VRK1: variants seen among roughly 807,000 people sequenced by gnomAD.
VRK1 encodes serine/threonine-protein kinase VRK1.
VRK1 carries 33 observed loss-of-function variants against 57.1 expected under a neutral mutation model. The ratio of observed to expected loss-of-function variants is 0.58; its 90% CI spans 0.44 to 0.77. The LOEUF (loss-of-function observed/expected upper bound fraction) is 0.77, where lower values mean the gene tolerates loss of function less well. Among genes scored for constraint, VRK1 ranks in the 30% least tolerant of loss-of-function variants. The pLI, the probability that VRK1 is intolerant of heterozygous loss-of-function variation, is 0.00. For missense variants in VRK1, 413 were observed against 477.3 expected, an observed-to-expected ratio of 0.87 and a Z score of 1.25; for synonymous variants, 137 against 147.8, an observed-to-expected ratio of 0.93 and a Z score of 0.53.
At chr14:96,818,655 C>T (rs949135744) in intron 1 of VRK1, among the ~76,000 whole-genome samples, 8 of 151,904 alleles carry the variant, frequency 5.3e-5, no homozygotes, top group Non-Finnish European at 8.8e-5. Flanking sequence ...TATAAAGGTA[C>T]CATATAGCCA....
intron 11 of VRK1, among the ~76,000 whole-genome samples, chr14:96,872,993 GC>G (rs1456676880): frequency 1.3e-5 from 2 of 152,110 alleles, no homozygotes; most frequent in African/African-American, 2.4e-5. Context: ...GCTATATGAA[GC>G]ATTTTAAAAC....
At chr14:96,857,600 AAGGATGGGCCT>A (rs1208290794) in intron 10 of VRK1, among the ~76,000 whole-genome samples, 1 of 152,194 alleles carries the variant, frequency 6.6e-6, no homozygotes, top group East Asian at 1.9e-4. Flanking sequence ...CTGAAGGAGC[AAGGATGGGCCT>A]AGGCAGAAAG....
At position 96,860,543 on chromosome 14, in the gene VRK1, T is replaced by TAAACACAATC. The variant is rs780178600; in HGVS notation, c.890-14_890-13insAAACACAATC. The TAAACACAATC allele has an allele frequency of 6.2e-7, 1 of 1,607,248 alleles. No homozygotes were observed. The highest frequency in any genetic ancestry group is 8.5e-7 in the Non-Finnish European group (1 of 1,174,780). On this transcript the variant is annotated splice_polypyrimidine_tract_variant and intron_variant, in intron 10 of 12. Coordinates refer to ENST00000216639, the MANE Select transcript of VRK1 (RefSeq NM_003384.3). ...TATATTGAAAGTTATAAAATGATTG[T>TAAACACAATC]GTTATTCTTTTAGGTGAAATTGCCA...
chr14:96,853,251 G>C, intron 7 of VRK1, 85 bp downstream of exon 7: 1 of 1,207,070 alleles, frequency 8.3e-7, no homozygotes, highest in Non-Finnish European at 1.2e-6. Flanking sequence ...AACCTGTGTA[G>C]AAGTTTTACT....
chr14:96,828,306 C>T (rs566517638), intron 1 of VRK1, among the ~76,000 whole-genome samples: 10 of 152,214 alleles, frequency 6.6e-5, no homozygotes, highest in African/African-American at 2.4e-4. Flanking sequence ...TCAAAATGAT[C>T]GAAACAGTAT....
At chr14:96,797,740 G>T (rs1035101614) in intron 1 of VRK1, among the ~76,000 whole-genome samples, 1 of 152,202 alleles carries the variant, frequency 6.6e-6, no homozygotes, top group African/African-American at 2.4e-5. Flanking sequence ...CTGGACGCGC[G>T]TGGTGTCGCG....
chr14:96,875,073 G>C (rs1888972230), intron 11 of VRK1, among the ~76,000 whole-genome samples: 1 of 152,032 alleles, frequency 6.6e-6, no homozygotes, highest in Non-Finnish European at 1.5e-5. Context: ...GAGAAGCTTT[G>C]GATTAAAATT....
At chr14:96,803,162 G>C (rs1885730074) in intron 1 of VRK1, among the ~76,000 whole-genome samples, 1 of 150,162 alleles carries the variant, frequency 6.7e-6, no homozygotes, top group African/African-American at 2.5e-5. Context: ...GACTAGTGAT[G>C]CTGGCATTTT....
chr14:96,855,155 C>T lies in VRK1; in HGVS notation c.577-69C>T, dbSNP rs1235741732. ...ACCTTCAGATGCCAGTATTTTGTTT[C>T]TGTGCTTTAAAGGGTTATATGTGCA... On this transcript the variant is annotated intron_variant, in intron 7 of 12. Transcript: ENST00000216639. The T allele has an allele frequency of 8.1e-6, 13 of 1,611,154 alleles. No homozygotes were observed. In the Admixed American group the frequency reaches 1.3e-4, roughly 17 times the overall value.
intron 1 of VRK1, among the ~76,000 whole-genome samples, chr14:96,823,847 G>A (rs1241511832): frequency 2.0e-5 from 3 of 152,168 alleles, no homozygotes; most frequent in African/African-American, 7.2e-5. Context: ...GGTGTAGTGT[G>A]TGTCAGAATT....
At chr14:96,801,611 A>G (rs572615565) in intron 1 of VRK1, among the ~76,000 whole-genome samples, 1 of 152,204 alleles carries the variant, frequency 6.6e-6, no homozygotes, top group African/African-American at 2.4e-5. Context: ...TTGAAAATCC[A>G]TGTATAAGCT....
chr14:96,867,634 A>C (rs1206761078), intron 11 of VRK1, among the ~76,000 whole-genome samples: 1 of 151,876 alleles, frequency 6.6e-6, no homozygotes, highest in Non-Finnish European at 1.5e-5. Context: ...TTCCTTCTCT[A>C]TTCTGTCCCT....
intron 1 of VRK1, among the ~76,000 whole-genome samples, chr14:96,805,438 G>A (rs1371717660): frequency 6.6e-6 from 1 of 152,148 alleles, no homozygotes; most frequent in Non-Finnish European, 1.5e-5. Context: ...AAATTCATGA[G>A]CAAAAGTACT....
intron 3 of VRK1, among the ~76,000 whole-genome samples, chr14:96,845,442 T>C (rs1761588874): frequency 6.6e-6 from 1 of 152,202 alleles, no homozygotes; most frequent in Admixed American, 6.5e-5. Flanking sequence ...TAATTGTTAA[T>C]ATCTCTAAAA....
chr14:96,862,749 T>C (rs1888440074), intron 11 of VRK1, among the ~76,000 whole-genome samples: 1 of 152,188 alleles, frequency 6.6e-6, no homozygotes, highest in African/African-American at 2.4e-5. Flanking sequence ...GATGTCTTTT[T>C]TTGCTCTGGA....
intron 3 of VRK1, among the ~76,000 whole-genome samples, chr14:96,838,917 A>G (rs1486714963): frequency 1.4e-5 from 1 of 70,252 alleles, no homozygotes; most frequent in Non-Finnish European, 3.9e-5. Flanking sequence ...GGGGAAATAC[A>G]TAGATATAAA....
intron 6 of VRK1, 28 bp from the exon 7 acceptor site, chr14:96,853,046 T>C (rs1449685747): frequency 6.2e-7 from 1 of 1,611,744 alleles, no homozygotes; most frequent in African/African-American, 1.3e-5. Flanking sequence ...GGTACTGCAT[T>C]AACTTATTCT....
chr14:96,809,041 G>C (rs1016685328), intron 1 of VRK1, among the ~76,000 whole-genome samples: 1 of 152,084 alleles, frequency 6.6e-6, no homozygotes, highest in African/African-American at 2.4e-5. Context: ...GGGGTCAGGA[G>C]GTTTTGGCTT....
intron 1 of VRK1, among the ~76,000 whole-genome samples, chr14:96,812,381 G>T (rs528474876): frequency 2.0e-5 from 3 of 152,238 alleles, no homozygotes; most frequent in African/African-American, 7.2e-5. Flanking sequence ...CAATCTGTAA[G>T]GATTCAGATC....
Sources: allele counts gnomAD v4.1 joint callset (sites outside exome capture counted in the v4.1 genomes callset), GRCh38; gene constraint gnomAD v4.1.1; transcripts MANE v1.5; gene names NCBI Gene and HGNC (gene_info 2026-07-23, HGNC 2026-07-21).